SFT2D2: variants seen among roughly 807,000 people sequenced by gnomAD.
SFT2D2 encodes the protein SFT2 domain containing 2, also known as vesicle transport protein SFT2B.
Under a neutral mutation model 27.4 loss-of-function variants are expected in SFT2D2, and 21 were observed. That is an observed-to-expected ratio of 0.77 (90% CI 0.54 to 1.10). The LOEUF is 1.10. SFT2D2 is among the 50% of genes least tolerant of loss of function. The pLI, the probability that SFT2D2 is intolerant of heterozygous loss-of-function variation, is 0.00. For missense variants in SFT2D2, 187 were observed against 194.2 expected, an observed-to-expected ratio of 0.96 and a Z score of 0.22; for synonymous variants, 72 against 71.7, an observed-to-expected ratio of 1.00 and a Z score of -0.02.
chr1:168,233,769 G>A (rs1284499362), intron 3 of SFT2D2, among the ~76,000 whole-genome samples: 1 of 152,198 alleles, frequency 6.6e-6, no homozygotes, highest in East Asian at 1.9e-4. Flanking sequence ...ATTCTTCATA[G>A]ACTGTGTAGG....
intron 1 of SFT2D2, among the ~76,000 whole-genome samples, chr1:168,226,407 G>A (rs990271637): frequency 2.0e-5 from 3 of 152,142 alleles, no homozygotes; most frequent in Non-Finnish European, 4.4e-5. Context: ...ACTGAGCTGC[G>A]AGTGGGAGGG....
chr1:168,226,068 G>T lies in SFT2D2; in HGVS notation c.-12G>T, dbSNP rs1055805110. On this transcript the variant is annotated 5_prime_UTR_variant, in exon 1 of 8. Coordinates refer to ENST00000271375, the MANE Select transcript of SFT2D2 (RefSeq NM_199344.3). ...CCGCTGAGGAGCTGGAGCTGGTGGG[G>T]ACTGGGCCGCAATGGACAAGCTGAA... 11 of 1,529,660 alleles carry T rather than the reference G, an allele frequency of 7.2e-6. No individual in the cohort carries two copies. Among genetic ancestry groups the T allele is most frequent in the Non-Finnish European group, 8.8e-6 (10 of 1,137,384 alleles). 94.8% of individuals were successfully genotyped at this position (1,529,660 alleles called of 1,614,324 possible). A position where few individuals can be genotyped will look rare whatever the true frequency, so the allele number is the denominator to read the frequency against.
chr1:168,235,149 G>A lies in SFT2D2; in HGVS notation c.285G>A (p.Glu95=). The stretch of plus-strand genomic sequence containing the variant: ...TGAAACAGCTGAAGCGAATGTTTGA[G>A]CCTACTCGTTTGATTGCAACTATCA... The part of the protein sequence containing the change: ...GPVKQLKRMF[E]PTRLIATIMV... The change falls in exon 4 of 8, where the codon GAG becomes GAA. Residue 95 remains glutamate (E), a synonymous_variant. Coordinates refer to ENST00000271375, the MANE Select transcript of SFT2D2 (RefSeq NM_199344.3). 1 of 1,614,146 alleles carries A rather than the reference G, an allele frequency of 6.2e-7. No individual in the cohort carries two copies. Among genetic ancestry groups the A allele is most frequent in the Non-Finnish European group, 8.5e-7 (1 of 1,180,010 alleles).
chr1:168,233,505 G>C (rs746006225), intron 3 of SFT2D2, among the ~76,000 whole-genome samples: 9 of 152,198 alleles, frequency 5.9e-5, no homozygotes, highest in Non-Finnish European at 8.8e-5. Context: ...GGAAATGGGG[G>C]ATGTTAATTA....
intron 6 of SFT2D2, 139 bp downstream of exon 6, chr1:168,236,909 G>A: frequency 1.8e-6 from 2 of 1,094,470 alleles, no homozygotes; most frequent in Non-Finnish European, 2.7e-6. Flanking sequence ...AATGATGAAA[G>A]TGAAGTCAGG....
rs1280065082 is a variant in SFT2D2 at position 168,246,672 on chromosome 1, A to C, written c.*4132A>C. The C allele has an allele frequency of 1.6e-5, 20 of 1,223,730 alleles. No homozygotes were observed. The highest frequency in any genetic ancestry group is 2.2e-5 in the Non-Finnish European group (19 of 845,296). The allele number at this position is 1,223,730 out of a possible 1,614,324, so 75.8% of individuals were successfully genotyped here. A position where few individuals can be genotyped will look rare whatever the true frequency, so the allele number is the denominator to read the frequency against. ...CTGTTGAGTGACTTTGATCATGATC[A>C]TGTAGAGCAACATTCAGTCTACGAT... is the stretch of plus-strand genomic sequence containing the variant. On this transcript the variant is annotated 3_prime_UTR_variant, in exon 8 of 8. Coordinates refer to ENST00000271375, the MANE Select transcript of SFT2D2 (RefSeq NM_199344.3).
intron 7 of SFT2D2, among the ~76,000 whole-genome samples, chr1:168,241,205 C>CTTTT (rs11387591): frequency 0.094 from 9,406 of 100,068 alleles, 1,090 homozygotes; most frequent in Non-Finnish European, 0.12. Context: ...CCCTTCTATT[C>CTTTT]TTTTTTTTTT....
rs11387591 is a variant in SFT2D2 at position 168,241,205 on chromosome 1, C to CTTTTTTT, written c.444-1282_444-1276dup. 5.0e-4 allele frequency among the ~76,000 whole-genome samples: 50 copies of CTTTTTTT among 100,140 alleles called. 1 individual carries two copies. Among genetic ancestry groups the CTTTTTTT allele is most frequent in the East Asian group, 1.2e-3 (4 of 3,344 alleles). 65.7% of individuals were successfully genotyped at this position (100,140 alleles called of 152,430 possible). On this transcript the variant is annotated intron_variant, in intron 7 of 7. Transcript: ENST00000271375. Reference sequence around the variant, plus strand: ...CAGAGCTAGATCCCACCCTTCTATTCTTTTTTTTTTTTTTTTTTTTGAGAT... The same window carrying CTTTTTTT: ...CAGAGCTAGATCCCACCCTTCTATTCTTTTTTTTTTTTTTTTTTTTTTTTTTTGAGAT...
chr1:168,239,086 A>G, intron 6 of SFT2D2, 45 bp from the exon 7 acceptor site: 135 of 1,273,984 alleles, frequency 1.1e-4, no homozygotes, highest in Non-Finnish European at 1.5e-4. Flanking sequence ...ATAATCTGCT[A>G]CTCCCTTCAT....
rs1043237833 is a variant in SFT2D2, at chr1:168,244,975, C to A, written c.*2435C>A. ...TCTTTAAAATATCTACTGCTAACAT[C>A]CTATGTAATGATGAAAGGCTGAATG... On this transcript the variant is annotated 3_prime_UTR_variant, in exon 8 of 8. Coordinates refer to ENST00000271375, the MANE Select transcript of SFT2D2 (RefSeq NM_199344.3). The A allele has an allele frequency of 8.5e-5, 13 of 152,162 alleles. No individual in the cohort carries two copies. Among genetic ancestry groups the A allele is most frequent in the African/African-American group, 3.1e-4 (13 of 41,424 alleles). The allele number at this position is 152,162 out of a possible 1,614,324, so 9.4% of individuals were successfully genotyped here. A position where few individuals can be genotyped will look rare whatever the true frequency, so the allele number is the denominator to read the frequency against.
Position 168,248,315 on chromosome 1 carries a change from A to AAACAGGGACAATTT in SFT2D2, c.*5775_*5776insAACAGGGACAATTT, listed in dbSNP as rs1489887621. On this transcript the variant is annotated 3_prime_UTR_variant, in exon 8 of 8. Transcript: ENST00000271375. ...TTTATGGTTTTGGGTCTTACGTTTA[A>AAACAGGGACAATTT]GACTTCCTCTTTTCCTAATTGAATA... 2.0e-5 allele frequency: 3 copies of AAACAGGGACAATTT among 152,170 alleles called. No homozygotes were observed. Among genetic ancestry groups the AAACAGGGACAATTT allele is most frequent in the Non-Finnish European group, 4.4e-5 (3 of 68,080 alleles). 9.4% of individuals were successfully genotyped at this position (152,170 alleles called of 1,614,324 possible).
intron 7 of SFT2D2, among the ~76,000 whole-genome samples, chr1:168,239,956 C>T (rs1285784104): frequency 6.6e-6 from 1 of 151,508 alleles, no homozygotes; most frequent in African/African-American, 2.4e-5. Flanking sequence ...CGGGTGGATC[C>T]TGCTGTCAGG....
At chr1:168,226,854 C>G (rs574159873) in intron 1 of SFT2D2, among the ~76,000 whole-genome samples, 10 of 152,224 alleles carry the variant, frequency 6.6e-5, no homozygotes, top group African/African-American at 2.4e-4. Flanking sequence ...GAGTCTCACT[C>G]TGTCGCCCAG....
chr1:168,238,708 AT>A (rs760109400), intron 6 of SFT2D2, among the ~76,000 whole-genome samples: 36 of 151,694 alleles, frequency 2.4e-4, no homozygotes, highest in Admixed American at 3.3e-4. Context: ...AAAAAAAAAA[AT>A]AAATAAATAA....
chr1:168,226,813 G>T (rs1700465642), intron 1 of SFT2D2, among the ~76,000 whole-genome samples: 1 of 152,052 alleles, frequency 6.6e-6, no homozygotes. Flanking sequence ...TGTTTTATTA[G>T]AAAAGCTTTT....
In SFT2D2 at chr1:168,226,014, GC is replaced by G. The variant is rs1242040636; in HGVS notation, c.-64del. ...GGGCGGCTGCCTAGCACCCGGAAGA[GC>G]CGTCAACTTAGCGAGCGCAACAGGC... is the stretch of plus-strand genomic sequence containing the variant. On this transcript the variant is annotated 5_prime_UTR_variant, in exon 1 of 8. Coordinates refer to ENST00000271375, the MANE Select transcript of SFT2D2 (RefSeq NM_199344.3). 11 of 1,423,762 alleles carry G rather than the reference GC, an allele frequency of 7.7e-6. No homozygotes were observed. The highest frequency in any genetic ancestry group is 8.4e-6 in the Non-Finnish European group (9 of 1,072,080). The allele number at this position is 1,423,762 out of a possible 1,614,324, so 88.2% of individuals were successfully genotyped here.
chr1:168,235,569 G>C (rs890925177), intron 4 of SFT2D2, among the ~76,000 whole-genome samples: 2 of 152,206 alleles, frequency 1.3e-5, no homozygotes, highest in Non-Finnish European at 2.9e-5. Flanking sequence ...TGGGTGTCCT[G>C]TCTTATAGAA....
intron 3 of SFT2D2, among the ~76,000 whole-genome samples, chr1:168,234,431 G>A (rs899685352): frequency 6.6e-6 from 1 of 151,734 alleles, no homozygotes; most frequent in African/African-American, 2.4e-5. Flanking sequence ...CAGCATGCTG[G>A]GTCTGTCTTT....
At position 168,251,774 on chromosome 1, in the gene SFT2D2, A is replaced by G. The variant is rs183843609; in HGVS notation, c.*9234A>G. Reference sequence around the variant, plus strand: ...TAGTTTATTTGCAGACAGCATTTTTAAAAAGTGAATAGATGTTTAACTGAA... The same window carrying G: ...TAGTTTATTTGCAGACAGCATTTTTGAAAAGTGAATAGATGTTTAACTGAA... On this transcript the variant is annotated 3_prime_UTR_variant, in exon 8 of 8. Transcript: ENST00000271375. The G allele has an allele frequency of 6.6e-6, 1 of 152,146 alleles. No homozygotes were observed. Among genetic ancestry groups the G allele is most frequent in the African/African-American group, 2.4e-5 (1 of 41,522 alleles). The allele number at this position is 152,146 out of a possible 1,614,324, so 9.4% of individuals were successfully genotyped here.
Sources: allele counts gnomAD v4.1 joint callset (sites outside exome capture counted in the v4.1 genomes callset), GRCh38; gene constraint gnomAD v4.1.1; transcripts MANE v1.5; gene names NCBI Gene and HGNC (gene_info 2026-07-23, HGNC 2026-07-21).